The following SV2C variants were observed in gnomAD, a reference collection of about 807,000 sequenced individuals.
SV2C encodes the protein synaptic vesicle glycoprotein 2C, also known as solute carrier family 22 member B3.
A neutral mutation model predicts 79.7 loss-of-function variants in SV2C; 49 were observed. That is an observed-to-expected ratio of 0.61 (90% CI 0.49 to 0.78). SV2C has a LOEUF of 0.78. Among genes scored for constraint, SV2C ranks in the 30% least tolerant of loss-of-function variants. The pLI, the probability that SV2C is intolerant of heterozygous loss-of-function variation, is 0.00. For synonymous variants in SV2C, 334 were observed against 333.2 expected, an observed-to-expected ratio of 1.00 and a Z score of -0.03; for missense variants, 833 against 912.9, an observed-to-expected ratio of 0.91 and a Z score of 1.13.
intron 12 of SV2C, among the ~76,000 whole-genome samples, chr5:76,312,349 T>C (rs953999938): frequency 1.3e-5 from 2 of 152,102 alleles, no homozygotes; most frequent in Non-Finnish European, 2.9e-5. Flanking sequence ...GCTTCCCAGA[T>C]TCAAGCAATT....
chr5:75,969,072 AC>A, the SV2C span, among the ~76,000 whole-genome samples: 1 of 152,202 alleles, frequency 6.6e-6, no homozygotes, highest in Non-Finnish European at 1.5e-5. Flanking sequence ...ACCCAGCCAA[AC>A]TAAACCTCGT....
At chr5:76,181,122 A>G (rs1481460196) in intron 2 of SV2C, among the ~76,000 whole-genome samples, 1 of 152,024 alleles carries the variant, frequency 6.6e-6, no homozygotes, top group African/African-American at 2.4e-5. Context: ...CAATTAATAC[A>G]CACCTACCCT....
At position 76,173,882 on chromosome 5, in the gene SV2C, A is replaced by G. The variant is rs888681513; in HGVS notation, c.581-21037A>G. On this transcript the variant is annotated intron_variant, in intron 2 of 12. Transcript: ENST00000502798. ...AACATCATCAGTGTCTTTAACTCGA[A>G]GAATCTGTTCTCTCAGGTCTTGTAA... The G allele has an allele frequency of 1.9e-6, 3 of 1,596,266 alleles. No homozygotes were observed. In the African/African-American group the frequency reaches 4.0e-5, roughly 21 times the overall value.
intron 4 of SV2C, among the ~76,000 whole-genome samples, chr5:76,255,842 A>G (rs1263227776): frequency 1.3e-5 from 2 of 152,170 alleles, no homozygotes; most frequent in African/African-American, 4.8e-5. Flanking sequence ...CCAAATGCCC[A>G]GTTCTTCCTG....
chr5:75,875,151 G>A, the SV2C span, among the ~76,000 whole-genome samples: 1 of 152,124 alleles, frequency 6.6e-6, no homozygotes, highest in Non-Finnish European at 1.5e-5. Context: ...GAACATAGCT[G>A]GAGCCATCAC....
At chr5:75,919,704 TA>T in the SV2C span, among the ~76,000 whole-genome samples, 1 of 152,272 alleles carries the variant, frequency 6.6e-6, no homozygotes, top group Non-Finnish European at 1.5e-5. Context: ...TGACTGTTAA[TA>T]AGGCTTTGTT....
intron 3 of SV2C, among the ~76,000 whole-genome samples, chr5:76,200,095 C>T (rs1744391613): frequency 4.6e-5 from 7 of 152,198 alleles, no homozygotes; most frequent in Admixed American, 4.6e-4. Flanking sequence ...TCACTGTGGT[C>T]AACCAGTCAG....
Position 76,259,439 on chromosome 5 carries a change from A to AT in SV2C, c.914-25714dup, listed in dbSNP as rs541953655. ...CAATGATTATTCAGTAATAATACTG[A>AT]TTTTTTTTTAACTTTAATTTCTGGG... On this transcript the variant is annotated intron_variant, in intron 4 of 12. Transcript: ENST00000502798. Among the ~76,000 whole-genome samples the AT allele has an allele frequency of 1.5e-3, 229 of 151,762 alleles. 1 individual carries two copies. The highest frequency in any genetic ancestry group is 3.4e-3 in the Middle Eastern group (1 of 294).
intron 1 of SV2C, among the ~76,000 whole-genome samples, chr5:76,110,185 G>A (rs1193700388): frequency 6.6e-6 from 1 of 152,168 alleles, no homozygotes; most frequent in Non-Finnish European, 1.5e-5. Flanking sequence ...GCTGAATAGG[G>A]GAGAAGCTAT....
chr5:76,350,269 C>T (rs568542428), intron 12 of SV2C, among the ~76,000 whole-genome samples: 1 of 152,244 alleles, frequency 6.6e-6, no homozygotes, highest in East Asian at 1.9e-4. Context: ...CCATGACTTA[C>T]CTATCTTCTA....
intron 1 of SV2C, among the ~76,000 whole-genome samples, chr5:76,085,208 G>T (rs1444733506): frequency 5.9e-5 from 9 of 152,202 alleles, no homozygotes; most frequent in African/African-American, 1.9e-4. Context: ...ACGCCTAGGT[G>T]TTGAGGTTCG....
the SV2C span, among the ~76,000 whole-genome samples, chr5:75,852,708 C>A: frequency 6.6e-6 from 1 of 151,732 alleles, no homozygotes; most frequent in East Asian, 1.9e-4. Flanking sequence ...TGCCTGTAGT[C>A]CCAGCTACTT....
the SV2C span, among the ~76,000 whole-genome samples, chr5:75,984,378 C>T: frequency 6.6e-6 from 1 of 152,088 alleles, no homozygotes; most frequent in African/African-American, 2.4e-5. Flanking sequence ...AGGCTAGGTG[C>T]TTTGCCTCAG....
intron 12 of SV2C, among the ~76,000 whole-genome samples, chr5:76,319,179 AGCAG>A (rs1359339607): frequency 6.6e-6 from 1 of 152,032 alleles, no homozygotes; most frequent in Non-Finnish European, 1.5e-5. Context: ...GGGAGGCCGA[AGCAG>A]GCAGATTAAT....
chr5:76,035,867 G>A, the SV2C span, among the ~76,000 whole-genome samples: 2 of 151,622 alleles, frequency 1.3e-5, no homozygotes, highest in African/African-American at 2.4e-5. Context: ...CCCATTATTA[G>A]TGTGTGGGAG....
chr5:76,293,354 CTTGT>C, intron 8 of SV2C, among the ~76,000 whole-genome samples: 1 of 152,242 alleles, frequency 6.6e-6, no homozygotes, highest in African/African-American at 2.4e-5. Flanking sequence ...CATTATCTGG[CTTGT>C]TTATTTTGTT....
chr5:76,300,969 C>T, intron 11 of SV2C, 37 bp downstream of exon 11: 2 of 1,608,256 alleles, frequency 1.2e-6, no homozygotes, highest in South Asian at 2.2e-5. Flanking sequence ...AAAGAGCTGC[C>T]CCTGCAATCC....
the SV2C span, among the ~76,000 whole-genome samples, chr5:76,013,868 C>T: frequency 2.6e-5 from 4 of 152,002 alleles, no homozygotes; most frequent in Admixed American, 6.6e-5. Flanking sequence ...TAAGGCTCTG[C>T]GAGAAACAAA....
chr5:76,235,117 A>AT (rs141037658), intron 4 of SV2C, among the ~76,000 whole-genome samples: 210 of 146,136 alleles, frequency 1.4e-3, no homozygotes, highest in South Asian at 8.8e-3. Context: ...GCTTTAAGTG[A>AT]TTTTTTTTTT....
Sources: gnomAD v4.1 joint callset for allele counts (sites outside exome capture counted in the v4.1 genomes callset) on GRCh38, gnomAD v4.1.1 for gene constraint, MANE v1.5 for transcripts, NCBI Gene and HGNC (gene_info 2026-07-23, HGNC 2026-07-21) for gene names.